The following IRAK1BP1 variants were observed in gnomAD, a reference collection of about 807,000 sequenced individuals.
The protein encoded by IRAK1BP1 is interleukin-1 receptor-associated kinase 1-binding protein 1.
IRAK1BP1 carries 24 observed loss-of-function variants against 28.0 expected under a neutral mutation model. The observed-to-expected ratio is 0.86, with a 90% confidence interval of 0.62 to 1.20. The LOEUF (loss-of-function observed/expected upper bound fraction) is 1.20. IRAK1BP1 is among the 50% of genes most tolerant of loss of function. The pLI is 0.00. For synonymous variants in IRAK1BP1, 131 were observed against 116.3 expected, an observed-to-expected ratio of 1.13 and a Z score of -0.81; for missense variants, 336 against 316.7, an observed-to-expected ratio of 1.06 and a Z score of -0.46.
chr6:78,878,901 G>A (rs930403025), intron 1 of IRAK1BP1, among the ~76,000 whole-genome samples: 1 of 152,188 alleles, frequency 6.6e-6, no homozygotes, highest in Non-Finnish European at 1.5e-5. Context: ...AAGGGTATCA[G>A]TGGTGGAAGA....
chr6:78,884,013 TGTACTGTTTAAGGGAGAACTACC>T (rs1562080460), intron 1 of IRAK1BP1, among the ~76,000 whole-genome samples: 1 of 152,204 alleles, frequency 6.6e-6, no homozygotes, highest in Non-Finnish European at 1.5e-5. Context: ...GGAGAACTAC[TGTACTGTTTAAGGGAGAACTACC>T]GTACTGTTTT....
chr6:78,969,971 A>C, the IRAK1BP1 span: 2 of 1,580,306 alleles, frequency 1.3e-6, no homozygotes, highest in Non-Finnish European at 8.7e-7. Flanking sequence ...AATACCTAAA[A>C]GATGTTCAAA....
intron 1 of IRAK1BP1, among the ~76,000 whole-genome samples, chr6:78,879,634 T>C (rs1175555217): frequency 6.6e-6 from 1 of 152,214 alleles, no homozygotes; most frequent in Non-Finnish European, 1.5e-5. Context: ...CAAGCACTTC[T>C]GCCCACTGCA....
the IRAK1BP1 span, chr6:78,954,698 T>C: frequency 1.4e-4 from 93 of 666,350 alleles, no homozygotes; most frequent in African/African-American, 1.4e-3. Flanking sequence ...TGAGAACATG[T>C]ATAAAATAAT....
rs191436187 is a variant in IRAK1BP1 at position 78,941,955 on chromosome 6, T to C, written c.*68-3453T>C. ...AAGGATCTGGAGATGATGAATTACC[T>C]TTCTGTTGTAGAAAAAAATGCTATA... On this transcript the variant is annotated intron_variant and NMD_transcript_variant, in intron 4 of 4. Coordinates refer to the IRAK1BP1 transcript ENST00000606868. Among the ~76,000 whole-genome samples, 1,026 of 152,282 alleles carry C rather than the reference T, an allele frequency of 6.7e-3. 3 individuals are homozygous for C. Among genetic ancestry groups the C allele is most frequent in the Non-Finnish European group, 0.011 (773 of 68,018 alleles).
At chr6:78,886,789 T>TA (rs1771447192) in intron 2 of IRAK1BP1, among the ~76,000 whole-genome samples, 1 of 152,200 alleles carries the variant, frequency 6.6e-6, no homozygotes, top group African/African-American at 2.4e-5. Flanking sequence ...AAGAGAGCAT[T>TA]AGAGCTGCTT....
chr6:78,886,569 C>A (rs1380798629), intron 2 of IRAK1BP1, among the ~76,000 whole-genome samples: 1 of 152,114 alleles, frequency 6.6e-6, no homozygotes, highest in African/African-American at 2.4e-5. Context: ...TATAGCACTC[C>A]TCCAGTAATT....
At chr6:78,958,624 T>C in the IRAK1BP1 span, 1 of 1,416,682 alleles carries the variant, frequency 7.1e-7, no homozygotes, top group Non-Finnish European at 9.9e-7. Flanking sequence ...AATATAGAAG[T>C]TTTAACTTCC....
At chr6:78,890,596 A>G (rs1771617524) in intron 2 of IRAK1BP1, among the ~76,000 whole-genome samples, 1 of 152,146 alleles carries the variant, frequency 6.6e-6, no homozygotes, top group Non-Finnish European at 1.5e-5. Context: ...AAATGTTAGA[A>G]CCCCAGGAAT....
At chr6:78,879,797 G>A (rs1771155640) in intron 1 of IRAK1BP1, among the ~76,000 whole-genome samples, 1 of 152,034 alleles carries the variant, frequency 6.6e-6, no homozygotes, top group Admixed American at 6.6e-5. Context: ...AGCTAATGCA[G>A]GGGCAGTTGA....
intron 4 of IRAK1BP1, among the ~76,000 whole-genome samples, chr6:78,917,603 T>C (rs1287160324): frequency 1.7e-5 from 2 of 116,120 alleles, no homozygotes; most frequent in Non-Finnish European, 3.4e-5. Context: ...TGCCAAGGCA[T>C]ATAGTCACCA....
intron 1 of IRAK1BP1, among the ~76,000 whole-genome samples, chr6:78,876,807 G>A (rs1034171873): frequency 1.3e-5 from 2 of 152,132 alleles, no homozygotes; most frequent in African/African-American, 2.4e-5. Flanking sequence ...TTCCCCAGCT[G>A]TGACAATAAA....
At chr6:78,867,961 C>T (rs2127662562) in intron 1 of IRAK1BP1, 70 bp downstream of exon 1, 3 of 1,434,980 alleles carry the variant, frequency 2.1e-6, no homozygotes, top group Middle Eastern at 1.9e-4. Context: ...TCGGGCCCCA[C>T]AGGCCCCCCT....
chr6:78,885,132 A>T (rs564578182), intron 1 of IRAK1BP1, among the ~76,000 whole-genome samples: 21 of 152,124 alleles, frequency 1.4e-4, no homozygotes, highest in Admixed American at 5.2e-4. Context: ...TTCAACCTTT[A>T]TACAAATTGA....
At chr6:78,914,872 G>GT (rs1279132155) in intron 4 of IRAK1BP1, among the ~76,000 whole-genome samples, 1 of 152,212 alleles carries the variant, frequency 6.6e-6, no homozygotes, top group Non-Finnish European at 1.5e-5. Flanking sequence ...CCGGGCTGGA[G>GT]TGCAGTGGTG....
intron 1 of IRAK1BP1, among the ~76,000 whole-genome samples, chr6:78,876,018 T>C (rs1477800108): frequency 6.6e-6 from 1 of 152,214 alleles, no homozygotes; most frequent in Non-Finnish European, 1.5e-5. Flanking sequence ...GTTATCATCA[T>C]GATTTGTGCT....
intron 1 of IRAK1BP1, among the ~76,000 whole-genome samples, chr6:78,870,229 G>A (rs1770748952): frequency 6.8e-6 from 1 of 147,936 alleles, no homozygotes; most frequent in Non-Finnish European, 1.5e-5. Context: ...CTGAGCTATG[G>A]AAGTGAGACA....
intron 4 of IRAK1BP1, among the ~76,000 whole-genome samples, chr6:78,912,203 A>G (rs1191225633): frequency 6.6e-6 from 1 of 152,080 alleles, no homozygotes; most frequent in Non-Finnish European, 1.5e-5. Flanking sequence ...AAGTTTGATG[A>G]TAAGAGATTC....
intron 4 of IRAK1BP1, chr6:78,935,741 A>G: frequency 1.0e-6 from 1 of 985,294 alleles, no homozygotes. Flanking sequence ...ATGAACCAGC[A>G]TTTACATAAT....
Sources: allele counts gnomAD v4.1 joint callset (sites outside exome capture counted in the v4.1 genomes callset), GRCh38; gene constraint gnomAD v4.1.1; transcripts MANE v1.5; gene names NCBI Gene and HGNC (gene_info 2026-07-23, HGNC 2026-07-21).